Variants in RIN3 observed in about 807,000 individuals in gnomAD.
RIN3 encodes the protein Ras and Rab interactor 3, also known as RAB5 interacting protein 3.
A neutral mutation model predicts 76.3 loss-of-function variants in RIN3; 54 were observed. That is an observed-to-expected ratio of 0.71 (90% CI 0.57 to 0.89). The LOEUF is 0.89. RIN3 is among the 40% of genes least tolerant of loss of function. RIN3 has a pLI of 0.00. For missense variants in RIN3, 1,256 were observed against 1,322.1 expected (o/e 0.95, Z 0.78); for synonymous variants, 576 against 564.0 (o/e 1.02, Z -0.30).
intron 3 of RIN3, among the ~76,000 whole-genome samples, chr14:92,610,117 C>G (rs1415547084): frequency 1.3e-5 from 2 of 152,126 alleles, no homozygotes; most frequent in Admixed American, 6.5e-5. Context: ...CAGAGTTGTG[C>G]AACCATCATC....
chr14:92,546,653 T>C (rs1462561053), intron 1 of RIN3, among the ~76,000 whole-genome samples: 1 of 152,216 alleles, frequency 6.6e-6, no homozygotes, highest in Non-Finnish European at 1.5e-5. Flanking sequence ...ATTTCTTCTC[T>C]TTTAAATTTT....
intron 3 of RIN3, among the ~76,000 whole-genome samples, chr14:92,604,010 C>A (rs754087263): frequency 3.3e-5 from 5 of 152,252 alleles, no homozygotes; most frequent in Non-Finnish European, 7.3e-5. Context: ...ACAAACTGGC[C>A]AAGTGGTGGT....
intron 1 of RIN3, among the ~76,000 whole-genome samples, chr14:92,525,709 A>G (rs920563803): frequency 3.3e-5 from 5 of 152,136 alleles, no homozygotes; most frequent in South Asian, 2.1e-4. Flanking sequence ...AAAGCCCCCA[A>G]TTCCCCTCAG....
intron 7 of RIN3, 97 bp downstream of exon 7, chr14:92,659,566 C>G: frequency 8.6e-7 from 1 of 1,163,580 alleles, no homozygotes; most frequent in Non-Finnish European, 1.2e-6. Context: ...TGGAAGGCCC[C>G]AGACTTTCCA....
At chr14:92,679,720 G>A (rs1888598113) in intron 8 of RIN3, among the ~76,000 whole-genome samples, 3 of 152,206 alleles carry the variant, frequency 2.0e-5, no homozygotes, top group Non-Finnish European at 4.4e-5. Flanking sequence ...CCCTGACAGA[G>A]CTCAGAGATG....
rs1888801553 is a variant in RIN3, at chr14:92,685,082, G to A, written c.2563G>A (p.Asp855Asn). 2 of 1,613,896 alleles carry A rather than the reference G, an allele frequency of 1.2e-6. No individual in the cohort carries two copies. The highest frequency in any genetic ancestry group is 2.7e-5 in the African/African-American group (2 of 75,058). Residue 855 changes from aspartate to asparagine, a missense_variant, in exon 9 of 10, where the codon GAC becomes AAC. Physicochemically the swap from Asp to Asn is conservative, Grantham distance 23 (BLOSUM62 1). This residue lies in a region of RIN3 where 428 missense variants were observed against 521.2 expected (regional missense o/e 0.82). Coordinates refer to ENST00000216487, the MANE Select transcript of RIN3 (RefSeq NM_024832.5). This position sits in a 1 kb window ranked among gnomAD's most constrained non-coding sequence, Gnocchi z 4.7. The stretch of plus-strand genomic sequence containing the variant: ...CCGGCAGCTGAGTGTGGAGGTGCAG[G>A]ACTCCATCCACCGCTGGGAGCGCCG... ...VTRQLSVEVQ[D>N]SIHRWERRRT...
chr14:92,676,079 T>A (rs1888449582), intron 7 of RIN3, among the ~76,000 whole-genome samples: 1 of 151,712 alleles, frequency 6.6e-6, no homozygotes, highest in Non-Finnish European at 1.5e-5. Flanking sequence ...GGGAGGGAGA[T>A]GTATGATTCG....
intron 3 of RIN3, among the ~76,000 whole-genome samples, chr14:92,601,089 GA>G (rs201703646): frequency 1.3e-5 from 2 of 151,808 alleles, no homozygotes; most frequent in African/African-American, 2.4e-5. Flanking sequence ...CACTTAATAG[GA>G]AAAAAATATG....
chr14:92,637,162 G>T (rs959278086), intron 4 of RIN3, among the ~76,000 whole-genome samples: 1 of 151,984 alleles, frequency 6.6e-6, no homozygotes, highest in African/African-American at 2.4e-5. Flanking sequence ...AATATATAAT[G>T]AAATAATTAT....
intron 7 of RIN3, among the ~76,000 whole-genome samples, chr14:92,667,140 A>G (rs1471511401): frequency 6.6e-6 from 1 of 152,184 alleles, no homozygotes; most frequent in Non-Finnish European, 1.5e-5. Flanking sequence ...GTATGGAATA[A>G]TGGGCCTTGT....
intron 8 of RIN3, among the ~76,000 whole-genome samples, chr14:92,678,319 C>T (rs1888546406): frequency 6.6e-6 from 1 of 151,714 alleles, no homozygotes; most frequent in Admixed American, 6.6e-5. Flanking sequence ...TTCACCCACA[C>T]ACCCACATAT....
intron 7 of RIN3, among the ~76,000 whole-genome samples, chr14:92,672,236 T>C (rs559340926): frequency 6.6e-6 from 1 of 150,786 alleles, no homozygotes; most frequent in African/African-American, 2.4e-5. Context: ...CAAAATCCCA[T>C]CTCTACTAAA....
At chr14:92,605,164 G>A (rs1885482807) in intron 3 of RIN3, among the ~76,000 whole-genome samples, 3 of 151,816 alleles carry the variant, frequency 2.0e-5, no homozygotes, top group South Asian at 4.2e-4. Flanking sequence ...ACCCACCTTG[G>A]CCTCCCAAAG....
At chr14:92,667,026 C>T (rs1284428006) in intron 7 of RIN3, among the ~76,000 whole-genome samples, 1 of 152,150 alleles carries the variant, frequency 6.6e-6, no homozygotes, top group Non-Finnish European at 1.5e-5. Flanking sequence ...CTGCCATCCA[C>T]TTCCCTGGCA....
intron 2 of RIN3, among the ~76,000 whole-genome samples, chr14:92,561,044 A>AAATATATATATATATAT (rs1555383856): frequency 4.1e-5 from 1 of 24,398 alleles, no homozygotes; most frequent in African/African-American, 1.3e-4. Context: ...AAAAAAAAAA[A>AAATATATATATATATAT]ATATATATAT....
At chr14:92,641,134 G>C in intron 4 of RIN3, 104 bp from the exon 5 acceptor site, 2 of 864,572 alleles carry the variant, frequency 2.3e-6, no homozygotes, top group East Asian at 2.4e-5. Flanking sequence ...AGGCTGTATG[G>C]AGACCCTGGC....
chr14:92,515,320 GC>G (rs1419590390), intron 1 of RIN3: 1 of 691,834 alleles, frequency 1.4e-6, no homozygotes, highest in Non-Finnish European at 2.6e-6. Context: ...GCAGGGTGAA[GC>G]CGGAGAGGAG....
rs756966395 is a variant in RIN3, at chr14:92,609,883, G to A, written c.368-5524G>A. ...TGTGTGTGTGTGTGTGTGTGTGTGT[G>A]TGTATGTATGTGTGTTTCTGGTTTT... On this transcript the variant is annotated intron_variant, in intron 3 of 9. Coordinates refer to ENST00000216487, the MANE Select transcript of RIN3 (RefSeq NM_024832.5). 1.1e-4 allele frequency among the ~76,000 whole-genome samples: 4 copies of A among 35,720 alleles called. No individual in the cohort carries two copies. In the Admixed American group the frequency reaches 1.4e-3, roughly 12 times the overall value. 23.4% of individuals were successfully genotyped at this position (35,720 alleles called of 152,430 possible). A position where few individuals can be genotyped will look rare whatever the true frequency, so the allele number is the denominator to read the frequency against.
At chr14:92,555,614 A>G in intron 1 of RIN3, 137 bp from the exon 2 acceptor site, 1 of 804,090 alleles carries the variant, frequency 1.2e-6, no homozygotes, top group Non-Finnish European at 2.0e-6. Flanking sequence ...TGGTTTGTTG[A>G]TTTTTTTTTA....
Sources: allele counts gnomAD v4.1 joint callset (sites outside exome capture counted in the v4.1 genomes callset), GRCh38; gene constraint gnomAD v4.1.1; regional missense constraint gnomAD v4.1.1; non-coding constraint Gnocchi (gnomAD v3.1); transcripts MANE v1.5; gene names NCBI Gene and HGNC (gene_info 2026-07-23, HGNC 2026-07-21).